Variants in AIG1 observed in about 807,000 individuals in gnomAD.
The protein encoded by AIG1 is androgen-induced gene 1 protein.
In AIG1, 23 loss-of-function variants were observed where a neutral mutation model predicts 31.4. The ratio of observed to expected loss-of-function variants is 0.73; its 90% confidence interval spans 0.53 to 1.04. AIG1 has a LOEUF of 1.04. AIG1 is among the 50% of genes least tolerant of loss of function. The pLI is 0.00. For missense variants in AIG1, 274 were observed against 295.0 expected, an observed-to-expected ratio of 0.93 and a Z score of 0.52; for synonymous variants, 100 against 110.5, an observed-to-expected ratio of 0.90 and a Z score of 0.60.
chr6:143,331,370 G>C lies in AIG1; in HGVS notation c.516-1912G>C, dbSNP rs1327946094. On this transcript the variant is annotated intron_variant, in intron 4 of 5. Coordinates refer to ENST00000357847, the MANE Select transcript of AIG1 (RefSeq NM_016108.4). The surrounding 1 kb of genome is among the most constrained non-coding windows in gnomAD (Gnocchi z 4.1). ...ATAACTCCCTATTCTCCACTCCCCC[G>C]AGTCCCTGGTAACTGATAGATACCA... Among the ~76,000 whole-genome samples, 2 of 151,628 alleles carry C rather than the reference G, an allele frequency of 1.3e-5. No homozygotes were observed. Among genetic ancestry groups the C allele is most frequent in the African/African-American group, 4.9e-5 (2 of 41,216 alleles).
At chr6:143,253,336 A>G (rs1361342684) in intron 3 of AIG1, among the ~76,000 whole-genome samples, 1 of 152,214 alleles carries the variant, frequency 6.6e-6, no homozygotes, top group Non-Finnish European at 1.5e-5. Context: ...TTCTGACCTT[A>G]CCACCTAAAT....
intron 4 of AIG1, among the ~76,000 whole-genome samples, chr6:143,285,885 T>G (rs1797652341): frequency 1.3e-5 from 2 of 152,064 alleles, no homozygotes; most frequent in African/African-American, 4.8e-5. Context: ...ACATATGAAC[T>G]TATATTCAAA....
At chr6:143,290,549 T>G (rs1797990410) in intron 4 of AIG1, among the ~76,000 whole-genome samples, 1 of 152,178 alleles carries the variant, frequency 6.6e-6, no homozygotes. Flanking sequence ...CCACCATTTT[T>G]CCTCTTAGTG....
rs150784638 is a variant in AIG1 at position 143,318,484 on chromosome 6, A to T, written c.516-14798A>T. 3.5e-4 allele frequency among the ~76,000 whole-genome samples: 53 copies of T among 152,332 alleles called. No homozygotes were observed. In the East Asian group the frequency reaches 9.8e-3, roughly 28 times the overall value. ...TTCACCTTATACAGAAATCAACTCA[A>T]GATGGATCAAAGACTTAAATCCAAG... On this transcript the variant is annotated intron_variant, in intron 4 of 5. Coordinates refer to ENST00000357847, the MANE Select transcript of AIG1 (RefSeq NM_016108.4).
At chr6:143,136,563 C>G (rs1039023882) in intron 1 of AIG1, among the ~76,000 whole-genome samples, 2 of 152,136 alleles carry the variant, frequency 1.3e-5, no homozygotes, top group Non-Finnish European at 2.9e-5. Flanking sequence ...GTTGATACTT[C>G]TTTCTGATGG....
At chr6:143,157,133 T>A (rs1165435932) in intron 2 of AIG1, among the ~76,000 whole-genome samples, 1 of 152,244 alleles carries the variant, frequency 6.6e-6, no homozygotes, top group Non-Finnish European at 1.5e-5. Flanking sequence ...TATCTCAATG[T>A]GAAAAAAATT....
At chr6:143,302,904 A>G (rs1465730438) in intron 4 of AIG1, among the ~76,000 whole-genome samples, 1 of 152,072 alleles carries the variant, frequency 6.6e-6, no homozygotes, top group African/African-American at 2.4e-5. Context: ...CTGACTTTTT[A>G]ATGATTGCCA....
intron 4 of AIG1, among the ~76,000 whole-genome samples, chr6:143,304,211 C>T (rs1338619940): frequency 1.3e-5 from 2 of 151,676 alleles, no homozygotes; most frequent in African/African-American, 2.4e-5. Context: ...ATTGAATACC[C>T]TTTATTTCCT....
At chr6:143,251,192 A>G (rs1406724006) in intron 3 of AIG1, among the ~76,000 whole-genome samples, 1 of 152,124 alleles carries the variant, frequency 6.6e-6, no homozygotes, top group Admixed American at 6.5e-5. Context: ...AGCTGGGATT[A>G]CAGGCGTGCG....
chr6:143,165,030 A>T (rs4596500), intron 2 of AIG1, 52 bp from the exon 3 acceptor site: 1 of 1,330,712 alleles, frequency 7.5e-7, no homozygotes, highest in Non-Finnish European at 1.1e-6. Context: ...AATAAATTGT[A>T]TGTTGTGGAT....
chr6:143,305,953 T>G (rs558155237), intron 4 of AIG1, among the ~76,000 whole-genome samples: 111 of 152,254 alleles, frequency 7.3e-4, no homozygotes, highest in Middle Eastern at 3.4e-3. Flanking sequence ...CTCTTCTTGT[T>G]GAATTGATCC....
chr6:143,243,841 CATATGTGGCACTCATA>C (rs1025666810), intron 3 of AIG1, among the ~76,000 whole-genome samples: 9 of 152,182 alleles, frequency 5.9e-5, no homozygotes, highest in Non-Finnish European at 1.3e-4. Flanking sequence ...GGGAAGACTG[CATATGTGGCACTCATA>C]CCTCATCTCC....
chr6:143,260,579 G>A (rs1262465403), intron 3 of AIG1, among the ~76,000 whole-genome samples: 1 of 152,178 alleles, frequency 6.6e-6, no homozygotes, highest in Non-Finnish European at 1.5e-5. Context: ...AAAGACCATA[G>A]CTCAAGCAAT....
intron 4 of AIG1, among the ~76,000 whole-genome samples, chr6:143,305,192 A>G (rs1007799863): frequency 1.3e-5 from 2 of 151,930 alleles, no homozygotes; most frequent in African/African-American, 4.8e-5. Context: ...TGGATTCATT[A>G]ATTTTTTGAA....
chr6:143,112,608 A>T (rs548495590), intron 1 of AIG1, among the ~76,000 whole-genome samples: 1 of 152,360 alleles, frequency 6.6e-6, no homozygotes, highest in East Asian at 1.9e-4. Context: ...GACAAGTACC[A>T]GATGACAGGT....
chr6:143,262,079 G>A (rs74644180), intron 3 of AIG1, among the ~76,000 whole-genome samples: 5,826 of 152,332 alleles, frequency 0.038, 302 homozygotes, highest in Admixed American at 0.16. Context: ...AGCAATTGCT[G>A]CAGCTCAGCC....
chr6:143,157,541 GCAC>G (rs1426241863), intron 2 of AIG1, among the ~76,000 whole-genome samples: 1 of 148,046 alleles, frequency 6.8e-6, no homozygotes, highest in Admixed American at 6.8e-5. Context: ...AATTTATTTA[GCAC>G]CTAGTGTTTC....
At chr6:143,109,889 CTTA>C (rs1781123424) in intron 1 of AIG1, among the ~76,000 whole-genome samples, 2 of 152,136 alleles carry the variant, frequency 1.3e-5, no homozygotes, top group South Asian at 4.1e-4. Flanking sequence ...TGAAGTTTAA[CTTA>C]TTAATCCATT....
upstream of AIG1, chr6:143,060,673 C>G (rs377163606): frequency 2.9e-3 from 1,334 of 453,234 alleles, 15 homozygotes; most frequent in African/African-American, 0.025. Flanking sequence ...GAGATGACGA[C>G]ACGCCGCCTG....
Sources: gnomAD v4.1 joint callset for allele counts (sites outside exome capture counted in the v4.1 genomes callset) on GRCh38, gnomAD v4.1.1 for gene constraint, Gnocchi (gnomAD v3.1) non-coding constraint, MANE v1.5 for transcripts, NCBI Gene and HGNC (gene_info 2026-07-23, HGNC 2026-07-21) for gene names.